The following DGKB variants were observed in gnomAD, a reference collection of about 807,000 sequenced individuals.
DGKB encodes the protein diacylglycerol kinase beta.
Under a neutral mutation model 114.3 loss-of-function variants are expected in DGKB, and 67 were observed. That is an observed-to-expected ratio of 0.59 (90% CI 0.48 to 0.72). The LOEUF is 0.72. Ranked by LOEUF, DGKB falls within the 30% of genes least tolerant of loss-of-function variation. The pLI is 0.00. For missense variants in DGKB, 907 were observed against 975.2 expected (o/e 0.93, Z 0.93); for synonymous variants, 398 against 323.1 (o/e 1.23, Z -2.49).
chr7:14,930,882 C>T (rs1242793100), intron 1 of DGKB, among the ~76,000 whole-genome samples: 1 of 151,954 alleles, frequency 6.6e-6, no homozygotes, highest in Non-Finnish European at 1.5e-5. Context: ...GATGTTTCTT[C>T]TATGTCTGGT....
At chr7:14,919,062 G>GCGCGCACACACACACA (rs1213217913) in intron 1 of DGKB, among the ~76,000 whole-genome samples, 2 of 118,064 alleles carry the variant, frequency 1.7e-5, no homozygotes, top group African/African-American at 6.8e-5. Flanking sequence ...TCCACCACAC[G>GCGCGCACACACACACA]CACACACACA....
rs142419279 is a variant in DGKB at position 14,304,189 on chromosome 7, T to C, written c.2122+34326A>G. 3.9e-5 allele frequency among the ~76,000 whole-genome samples: 6 copies of C among 152,190 alleles called. No individual in the cohort carries two copies. In the East Asian group the frequency reaches 1.2e-3, roughly 29 times the overall value. ...TTCTTCACACTAACGGTAAGGTTTA[T>C]GTGTTTGCTTCAAGTTAAAATTACT... On this transcript the variant is annotated intron_variant, in intron 23 of 25. Transcript: ENST00000402815.
At chr7:14,653,826 T>A (rs1815182959) in intron 13 of DGKB, among the ~76,000 whole-genome samples, 1 of 151,990 alleles carries the variant, frequency 6.6e-6, no homozygotes, top group Admixed American at 6.6e-5. Flanking sequence ...TAAATCTTCA[T>A]CCTAAAATTT....
At chr7:14,888,349 A>G (rs1158874768) in intron 1 of DGKB, among the ~76,000 whole-genome samples, 1 of 151,450 alleles carries the variant, frequency 6.6e-6, no homozygotes. Context: ...TTTCCTGCAC[A>G]AACATAGCCA....
chr7:14,968,577 C>A (rs2115299187), intron 1 of DGKB, among the ~76,000 whole-genome samples: 1 of 152,270 alleles, frequency 6.6e-6, no homozygotes, highest in African/African-American at 2.4e-5. Context: ...ATAACCAAAT[C>A]TCAGACTTTG....
At chr7:14,760,073 T>G (rs2128452112) in intron 2 of DGKB, among the ~76,000 whole-genome samples, 1 of 152,322 alleles carries the variant, frequency 6.6e-6, no homozygotes, top group East Asian at 1.9e-4. Flanking sequence ...AAATGTCTAT[T>G]CAAGTTCTTT....
chr7:14,676,585 A>T (rs571989446), intron 12 of DGKB, among the ~76,000 whole-genome samples: 1 of 152,222 alleles, frequency 6.6e-6, no homozygotes, highest in Admixed American at 6.6e-5. Flanking sequence ...AAAATAAAAA[A>T]ATTAAATAAG....
intron 1 of DGKB, among the ~76,000 whole-genome samples, chr7:14,962,636 T>TTGTGTGTGTGTGTGTG (rs71004348): frequency 7.7e-5 from 11 of 141,940 alleles, no homozygotes; most frequent in African/African-American, 2.8e-4. Flanking sequence ...GTGTGTGTGT[T>TTGTGTGTGTGTGTGTG]TGTGTGTGTG....
intron 17 of DGKB, among the ~76,000 whole-genome samples, chr7:14,590,890 C>G (rs1801598453): frequency 6.6e-6 from 1 of 152,072 alleles, no homozygotes; most frequent in African/African-American, 2.4e-5. Context: ...TGCCACTCCT[C>G]TATTTCCCCA....
At chr7:14,692,346 T>C (rs1472192332) in intron 9 of DGKB, among the ~76,000 whole-genome samples, 1 of 152,098 alleles carries the variant, frequency 6.6e-6, no homozygotes, top group Admixed American at 6.5e-5. Flanking sequence ...GCTTAGAATA[T>C]ACAAAGTTTA....
chr7:14,393,322 T>C (rs554769574), intron 21 of DGKB, among the ~76,000 whole-genome samples: 4 of 152,230 alleles, frequency 2.6e-5, no homozygotes, highest in African/African-American at 9.6e-5. Context: ...TGTGTATGTG[T>C]AACTGATTTG....
At chr7:14,416,174 C>T (rs982306783) in intron 21 of DGKB, among the ~76,000 whole-genome samples, 2 of 151,928 alleles carry the variant, frequency 1.3e-5, no homozygotes, top group Non-Finnish European at 1.5e-5. Flanking sequence ...GATATTAGCC[C>T]TTTGTCAGAT....
chr7:14,463,003 A>G (rs1245631302), intron 21 of DGKB, among the ~76,000 whole-genome samples: 2 of 152,194 alleles, frequency 1.3e-5, no homozygotes, highest in Non-Finnish European at 2.9e-5. Flanking sequence ...AGGATTCCCT[A>G]TTTAAAAAAA....
chr7:14,937,126 T>C (rs1284243655), intron 1 of DGKB, among the ~76,000 whole-genome samples: 20 of 151,964 alleles, frequency 1.3e-4, no homozygotes, highest in Admixed American at 1.3e-3. Flanking sequence ...TTATTGTCCA[T>C]GTAATACATG....
chr7:14,201,010 G>A (rs1426937591), intron 23 of DGKB, among the ~76,000 whole-genome samples: 2 of 152,004 alleles, frequency 1.3e-5, no homozygotes, highest in African/African-American at 4.8e-5. Flanking sequence ...TTAGGGAGTT[G>A]TGGAAGATGG....
intron 14 of DGKB, among the ~76,000 whole-genome samples, chr7:14,625,845 T>C (rs991558548): frequency 9.2e-5 from 14 of 152,248 alleles, no homozygotes; most frequent in Non-Finnish European, 1.2e-4. Flanking sequence ...CAGTTATTGA[T>C]ATTTGAGCAT....
intron 2 of DGKB, among the ~76,000 whole-genome samples, chr7:14,764,760 G>GAA (rs142976961): frequency 4.1e-5 from 6 of 146,180 alleles, no homozygotes; most frequent in African/African-American, 7.5e-5. Flanking sequence ...TTTTAGGGAA[G>GAA]AAAAAAAAAA....
At chr7:14,590,569 G>T (rs1295587312) in intron 17 of DGKB, among the ~76,000 whole-genome samples, 1 of 152,182 alleles carries the variant, frequency 6.6e-6, no homozygotes, top group East Asian at 1.9e-4. Flanking sequence ...TCTGTAAATT[G>T]ATTGCTAATC....
intron 6 of DGKB, among the ~76,000 whole-genome samples, chr7:14,716,148 G>T (rs377337490): frequency 1.3e-5 from 2 of 152,188 alleles, no homozygotes; most frequent in African/African-American, 4.8e-5. Flanking sequence ...CAACTGTTGT[G>T]TCAGGTGAAT....
Sources: gnomAD v4.1 joint callset for allele counts (sites outside exome capture counted in the v4.1 genomes callset) on GRCh38, gnomAD v4.1.1 for gene constraint, MANE v1.5 for transcripts, NCBI Gene and HGNC (gene_info 2026-07-23, HGNC 2026-07-21) for gene names.